NT5DC3: variants seen among roughly 807,000 people sequenced by gnomAD.
NT5DC3 encodes the protein 5'-nucleotidase domain containing 3.
A neutral mutation model predicts 67.8 loss-of-function variants in NT5DC3; 42 were observed. The ratio of observed to expected loss-of-function variants is 0.62; its 90% confidence interval spans 0.48 to 0.80. The LOEUF is 0.80. NT5DC3 is among the 30% of genes least tolerant of loss of function. The pLI, the probability that NT5DC3 is intolerant of heterozygous loss-of-function variation, is 0.00. For missense variants in NT5DC3, 570 were observed against 696.4 expected (o/e 0.82, Z 2.04); for synonymous variants, 237 against 255.6 (o/e 0.93, Z 0.69).
In NT5DC3 at chr12:103,810,893, G is replaced by A. The variant is rs369562312; in HGVS notation, c.394-3964C>T. ...CCTATAAACATACCTGCTTTCCAGAGGTCTCAGTTTAATATTTAAAGTAGC... is the reference window on the plus strand; with the variant it reads ...CCTATAAACATACCTGCTTTCCAGAAGTCTCAGTTTAATATTTAAAGTAGC... On this transcript the variant is annotated intron_variant, in intron 2 of 13. Transcript: ENST00000392876. 7.9e-5 allele frequency among the ~76,000 whole-genome samples: 12 copies of A among 152,232 alleles called. No individual in the cohort carries two copies. In the East Asian group the frequency reaches 1.4e-3, roughly 17 times the overall value.
rs1450668894 is a variant in NT5DC3, at chr12:103,797,043, G to T, written c.616-12C>A. 1.9e-6 allele frequency: 3 copies of T among 1,613,850 alleles called. No homozygotes were observed. The Admixed American group carries it at 5.0e-5, about 27-fold the overall frequency. On this transcript the variant is annotated splice_polypyrimidine_tract_variant and intron_variant, in intron 5 of 13. Coordinates refer to ENST00000392876, the MANE Select transcript of NT5DC3 (RefSeq NM_001031701.3). ...TTTCCATGAGAGCTCTGCAGACAGG[G>T]TGGAAGGAATGCTTTAGAAACAGGG...
intron 1 of NT5DC3, among the ~76,000 whole-genome samples, chr12:103,833,719 G>GAAAA (rs11462957): frequency 7.0e-6 from 1 of 143,124 alleles, no homozygotes. Flanking sequence ...TAATTCTAAT[G>GAAAA]AAAAAAAAAA....
the NT5DC3 span, among the ~76,000 whole-genome samples, chr12:103,763,015 G>T: frequency 1.3e-5 from 2 of 152,200 alleles, no homozygotes; most frequent in South Asian, 4.1e-4. Context: ...TAAAGGCTGT[G>T]GTGCAGAGCC....
intron 1 of NT5DC3, among the ~76,000 whole-genome samples, chr12:103,835,036 T>C (rs1247375803): frequency 6.6e-6 from 1 of 152,158 alleles, no homozygotes; most frequent in East Asian, 1.9e-4. Context: ...GCCTCGCTGC[T>C]TGCCTCCCCT....
chr12:103,836,003 A>T (rs1451013570), intron 1 of NT5DC3, among the ~76,000 whole-genome samples: 2 of 152,162 alleles, frequency 1.3e-5, no homozygotes, highest in African/African-American at 4.8e-5. Context: ...AACCCCTGAT[A>T]AGCCTATCAG....
the NT5DC3 span, chr12:103,748,946 C>T: frequency 4.4e-6 from 7 of 1,607,134 alleles, no homozygotes; most frequent in South Asian, 7.8e-5. Flanking sequence ...TGAGCCCTCT[C>T]TCCTCTGCTC....
At chr12:103,802,047 G>A (rs1408105028) in intron 4 of NT5DC3, 1 of 152,148 alleles carries the variant, frequency 6.6e-6, no homozygotes, top group African/African-American at 2.4e-5. Flanking sequence ...TGAGTGACTC[G>A]AGTCCACACA....
At position 103,814,412 on chromosome 12, in the gene NT5DC3, C is replaced by T. The variant is rs1023937437; in HGVS notation, c.393+525G>A. Reference sequence around the variant, plus strand: ...AAGACTTCTGAGGACACTTCTTTTCCTGCTTCCTGAAATGTGTACTCAAAT... The same window carrying T: ...AAGACTTCTGAGGACACTTCTTTTCTTGCTTCCTGAAATGTGTACTCAAAT... On this transcript the variant is annotated intron_variant, in intron 2 of 13. Transcript: ENST00000392876. Among the ~76,000 whole-genome samples the T allele has an allele frequency of 7.2e-5, 11 of 152,322 alleles. 1 individual carries two copies. The highest frequency in any genetic ancestry group is 1.3e-4 in the Admixed American group (2 of 15,304).
chr12:103,796,764 C>T, intron 6 of NT5DC3, 130 bp downstream of exon 6: 1 of 860,446 alleles, frequency 1.2e-6, no homozygotes. Context: ...AAGGTTAAAC[C>T]ACATATAAGA....
At chr12:103,814,305 C>T (rs1887156095) in intron 2 of NT5DC3, among the ~76,000 whole-genome samples, 1 of 152,196 alleles carries the variant, frequency 6.6e-6, no homozygotes, top group African/African-American at 2.4e-5. Context: ...ATCAGAACCA[C>T]CTCCTATGTC....
chr12:103,780,032 G>A (rs192239939), intron 13 of NT5DC3, among the ~76,000 whole-genome samples: 98 of 152,336 alleles, frequency 6.4e-4, no homozygotes, highest in Admixed American at 1.8e-3. Flanking sequence ...GCAGGAAGGA[G>A]GAATGAGATG....
At position 103,782,616 on chromosome 12, in the gene NT5DC3, T is replaced by C. The variant is rs140290566; in HGVS notation, c.1330-2252A>G. On this transcript the variant is annotated intron_variant, in intron 12 of 13. Coordinates refer to ENST00000392876, the MANE Select transcript of NT5DC3 (RefSeq NM_001031701.3). ...CTGTGGTCTAAATGTGGCCTCTGACTGGTTGGTTACCTGAGAAGCGGCTAC... is the reference window on the plus strand; with the variant it reads ...CTGTGGTCTAAATGTGGCCTCTGACCGGTTGGTTACCTGAGAAGCGGCTAC... Among the ~76,000 whole-genome samples the C allele has an allele frequency of 3.9e-5, 6 of 152,356 alleles. No individual in the cohort carries two copies. In the East Asian group the frequency reaches 1.2e-3, roughly 29 times the overall value.
At chr12:103,802,967 A>G (rs543537794) in intron 4 of NT5DC3, among the ~76,000 whole-genome samples, 1 of 152,280 alleles carries the variant, frequency 6.6e-6, no homozygotes, top group South Asian at 2.1e-4. Context: ...GATTTAGGGA[A>G]TCAGTCTGGC....
chr12:103,767,974 G>A (rs1281001774), downstream of NT5DC3, among the ~76,000 whole-genome samples: 1 of 150,918 alleles, frequency 6.6e-6, no homozygotes, highest in Non-Finnish European at 1.5e-5. Flanking sequence ...TGTAATTCCA[G>A]CTACTCACAA....
rs1315461373 is a variant in NT5DC3, at chr12:103,776,112, A to G, written c.*1717T>C. The G allele has an allele frequency of 3.3e-5, 5 of 152,200 alleles. No individual in the cohort carries two copies. Among genetic ancestry groups the G allele is most frequent in the Admixed American group, 3.3e-4 (5 of 15,264 alleles). The allele number at this position is 152,200 out of a possible 1,614,324, so 9.4% of individuals were successfully genotyped here. A position where few individuals can be genotyped will look rare whatever the true frequency, so the allele number is the denominator to read the frequency against. On this transcript the variant is annotated 3_prime_UTR_variant, in exon 14 of 14. Transcript: ENST00000392876. Reference sequence around the variant, plus strand: ...CAATTAAAACAGTATTAGCAGCCCCATAACTAATAACAGCAGACATTCCCA... The same window carrying G: ...CAATTAAAACAGTATTAGCAGCCCCGTAACTAATAACAGCAGACATTCCCA...
At chr12:103,800,139 T>C (rs1408424775) in intron 4 of NT5DC3, among the ~76,000 whole-genome samples, 2 of 152,220 alleles carry the variant, frequency 1.3e-5, no homozygotes, top group Non-Finnish European at 2.9e-5. Flanking sequence ...ATGTACGATA[T>C]CATTTATGTT....
At chr12:103,767,143 T>C (rs761234257), downstream of NT5DC3, among the ~76,000 whole-genome samples, 1 of 151,460 alleles carries the variant, frequency 6.6e-6, no homozygotes, top group Non-Finnish European at 1.5e-5. Context: ...ATCTTCACAG[T>C]AGCATTATTC....
chr12:103,825,084 G>C (rs1887636933), intron 1 of NT5DC3, among the ~76,000 whole-genome samples: 1 of 152,164 alleles, frequency 6.6e-6, no homozygotes, highest in African/African-American at 2.4e-5. Context: ...TGCCCCCCCG[G>C]GAAGAGGCAA....
At chr12:103,834,316 T>A (rs914041467) in intron 1 of NT5DC3, among the ~76,000 whole-genome samples, 1 of 151,960 alleles carries the variant, frequency 6.6e-6, no homozygotes, top group African/African-American at 2.4e-5. Flanking sequence ...CATTCACACA[T>A]CCAAAAATCC....
Sources: allele counts gnomAD v4.1 joint callset (sites outside exome capture counted in the v4.1 genomes callset), GRCh38; gene constraint gnomAD v4.1.1; transcripts MANE v1.5; gene names NCBI Gene and HGNC (gene_info 2026-07-23, HGNC 2026-07-21).